Variants in MED14 observed in about 807,000 individuals in gnomAD.
The protein encoded by MED14 is mediator of RNA polymerase II transcription subunit 14.
MED14 carries 8 observed loss-of-function variants against 109.0 expected under a neutral mutation model. That is an observed-to-expected ratio of 0.07 (90% CI 0.04 to 0.13). The LOEUF (loss-of-function observed/expected upper bound fraction) is 0.13. Among genes scored for constraint, MED14 ranks in the 10% least tolerant of loss-of-function variants. The pLI, the probability that MED14 is intolerant of heterozygous loss-of-function variation, is 1.00. For missense variants in MED14, 711 were observed against 1,142.4 expected, an observed-to-expected ratio of 0.62 and a Z score of 5.44; for synonymous variants, 399 against 408.7, an observed-to-expected ratio of 0.98 and a Z score of 0.29.
At chrX:40,701,069 A>G in intron 12 of MED14, 96 bp downstream of exon 12, 1 of 572,525 alleles carries the variant, frequency 1.7e-6, no homozygotes, top group South Asian at 3.4e-5. Context: ...ATAAACCTTA[A>G]GGACAGTGAA....
intron 23 of MED14, among the ~76,000 whole-genome samples, 200 bp downstream of exon 23, chrX:40,671,661 C>T (rs781450135): frequency 8.9e-6 from 1 of 111,917 alleles, no homozygotes; most frequent in East Asian, 2.8e-4. Context: ...TTAATTTAAA[C>T]CTTTTAAAGT....
intron 22 of MED14, 134 bp downstream of exon 22, chrX:40,675,087 T>C: frequency 3.6e-6 from 2 of 550,117 alleles, no homozygotes; most frequent in South Asian, 1.2e-4. Flanking sequence ...TCTGTAACTC[T>C]TTATTTCATA....
At chrX:40,676,382 G>A (rs1929910324) in intron 21 of MED14, among the ~76,000 whole-genome samples, 1 of 112,158 alleles carries the variant, frequency 8.9e-6, no homozygotes, top group African/African-American at 3.2e-5. Flanking sequence ...ATTTTTTGAA[G>A]CAATAAGTAA....
chrX:40,696,866 C>T (rs1309977102), intron 13 of MED14, among the ~76,000 whole-genome samples, 158 bp downstream of exon 13: 3 of 111,704 alleles, frequency 2.7e-5, no homozygotes, highest in African/African-American at 9.8e-5. Flanking sequence ...CCAACTGAGA[C>T]GTGACATTCC....
chrX:40,692,346 G>T, intron 14 of MED14, 29 bp from the exon 15 acceptor site: 2 of 924,949 alleles, frequency 2.2e-6, no homozygotes, highest in Non-Finnish European at 2.9e-6. Flanking sequence ...ACACAAACAG[G>T]TAAAAAAAAA....
At chrX:40,681,396 T>C (rs952154207) in intron 19 of MED14, among the ~76,000 whole-genome samples, 3 of 110,614 alleles carry the variant, frequency 2.7e-5, no homozygotes, top group African/African-American at 1.0e-4. Flanking sequence ...TTCTAGGACT[T>C]TACATATGAG....
intron 15 of MED14, among the ~76,000 whole-genome samples, chrX:40,691,272 T>C (rs1930491406): frequency 8.9e-6 from 1 of 112,295 alleles, no homozygotes; most frequent in Admixed American, 9.5e-5. Context: ...TAATATTCTT[T>C]CTGATCTGCT....
chrX:40,734,418 TG>T (rs1932181082), intron 1 of MED14, among the ~76,000 whole-genome samples: 1 of 112,566 alleles, frequency 8.9e-6, no homozygotes, highest in Non-Finnish European at 1.9e-5. Flanking sequence ...TGCATACTAA[TG>T]TATCTCAATT....
chrX:40,701,133 T>C (rs923720266), intron 12 of MED14, 32 bp downstream of exon 12: 16 of 1,039,182 alleles, frequency 1.5e-5, no homozygotes, highest in Middle Eastern at 5.3e-4. Flanking sequence ...TAAGTTTCCA[T>C]TTTTAGTCTT....
intron 1 of MED14, among the ~76,000 whole-genome samples, chrX:40,730,950 G>A (rs1932061111): frequency 1.9e-5 from 2 of 108,060 alleles, no homozygotes; most frequent in South Asian, 8.3e-4. Flanking sequence ...CGGGAGTTTG[G>A]GACCAGCCTG....
intron 23 of MED14, among the ~76,000 whole-genome samples, chrX:40,670,654 G>C (rs983248641): frequency 9.1e-6 from 1 of 110,244 alleles, no homozygotes; most frequent in African/African-American, 3.3e-5. Context: ...CCAGCTACTC[G>C]GGAGGCTGAG....
At chrX:40,687,545 A>G (rs1477627748) in intron 16 of MED14, among the ~76,000 whole-genome samples, 1 of 111,678 alleles carries the variant, frequency 9.0e-6, no homozygotes, top group Non-Finnish European at 1.9e-5. Flanking sequence ...ACATAGGCCT[A>G]AAGGATGTGA....
chrX:40,667,498 G>C (rs1396511994), intron 23 of MED14, among the ~76,000 whole-genome samples: 1 of 111,944 alleles, frequency 8.9e-6, no homozygotes, highest in Non-Finnish European at 1.9e-5. Context: ...GGTGTGGCAA[G>C]AACAGAGTGA....
rs772475600 is a variant in MED14 at position 40,697,168 on chromosome X, T to C, written c.1506A>G (p.Gln502=). Residue 502 remains glutamine, a synonymous_variant, in exon 13 of 31, where the codon CAA becomes CAG. Transcript: ENST00000324817. ...WIQQLKFWLG[Q]QRCKQSIKHL... Reference sequence around the variant, plus strand: ...GTTTTATAGACTGCTTGCAACGCTGTTGTCCAAGCCAAAACCTGAATTTAA... The same window carrying C: ...GTTTTATAGACTGCTTGCAACGCTGCTGTCCAAGCCAAAACCTGAATTTAA... 8.4e-7 allele frequency: 1 copy of C among 1,190,750 alleles called. No homozygotes were observed.
At chrX:40,715,048 A>C in intron 3 of MED14, 1 of 152,835 alleles carries the variant, frequency 6.5e-6, no homozygotes, top group Non-Finnish European at 1.3e-5. Flanking sequence ...TTGGTTGGTA[A>C]TGAAGGAGTT....
At chrX:40,687,681 T>A (rs1416811680) in intron 16 of MED14, among the ~76,000 whole-genome samples, 1 of 111,443 alleles carries the variant, frequency 9.0e-6, no homozygotes, top group Non-Finnish European at 1.9e-5. Flanking sequence ...TCCCTCTGGT[T>A]AGGACCTCCC....
intron 22 of MED14, 50 bp from the exon 23 acceptor site, chrX:40,672,022 A>C (rs1344528959): frequency 1.3e-6 from 1 of 753,476 alleles, no homozygotes; most frequent in South Asian, 2.8e-5. Flanking sequence ...CGCACGGAGC[A>C]TAAGAGTGTG....
At chrX:40,712,399 A>G (rs965023471) in intron 6 of MED14, 106 bp from the exon 7 acceptor site, 4 of 488,910 alleles carry the variant, frequency 8.2e-6, no homozygotes, top group Non-Finnish European at 1.4e-5. Flanking sequence ...TTTAAAAAGC[A>G]CTGAAATTAT....
At chrX:40,655,318 G>C (rs1044688646) in intron 28 of MED14, among the ~76,000 whole-genome samples, 1 of 111,162 alleles carries the variant, frequency 9.0e-6, no homozygotes, top group Middle Eastern at 4.3e-3. Context: ...GGCTTCTGCA[G>C]GGTCTCTGAC....
Sources: allele counts gnomAD v4.1 joint callset (sites outside exome capture counted in the v4.1 genomes callset), GRCh38; gene constraint gnomAD v4.1.1; transcripts MANE v1.5; gene names NCBI Gene and HGNC (gene_info 2026-07-23, HGNC 2026-07-21).